Variants in RFX2 observed in about 807,000 individuals in gnomAD.
The protein encoded by RFX2 is DNA-binding protein RFX2.
RFX2 carries 20 observed loss-of-function variants against 87.8 expected under a neutral mutation model. The ratio of observed to expected loss-of-function variants is 0.23; its 90% confidence interval spans 0.16 to 0.33. The LOEUF is 0.33. Among genes scored for constraint, RFX2 ranks in the 10% least tolerant of loss-of-function variants. The probability of loss-of-function intolerance (pLI) is 1.00; values close to 1 mark genes in which losing one functional copy is unlikely to be tolerated. For missense variants in RFX2, 767 were observed against 1,012.3 expected, an observed-to-expected ratio of 0.76 and a Z score of 3.29; for synonymous variants, 397 against 431.3, an observed-to-expected ratio of 0.92 and a Z score of 0.98.
chr19:6,014,941 C>T (rs191344910), intron 7 of RFX2, among the ~76,000 whole-genome samples: 3 of 152,346 alleles, frequency 2.0e-5, no homozygotes, highest in Non-Finnish European at 4.4e-5. Context: ...GCCTCGCTGG[C>T]CACAGGATCA....
At position 6,095,999 on chromosome 19, in the gene RFX2, G is replaced by A. The variant is rs1033077878; in HGVS notation, c.-9+14394C>T. Among the ~76,000 whole-genome samples, 8 of 152,322 alleles carry A rather than the reference G, an allele frequency of 5.3e-5. No homozygotes were observed. The South Asian group carries it at 8.3e-4, about 16-fold the overall frequency. ...CATCTGCTTTCAAGCTCCATCGGGA[G>A]AGCTGAGTAGTTGAGATAGTGACCA... On this transcript the variant is annotated intron_variant, in intron 1 of 17. Coordinates refer to ENST00000303657, the MANE Select transcript of RFX2 (RefSeq NM_000635.4).
At chr19:6,008,595 G>A (rs1204813858) in intron 9 of RFX2, among the ~76,000 whole-genome samples, 2 of 151,412 alleles carry the variant, frequency 1.3e-5, no homozygotes, top group African/African-American at 2.4e-5. Flanking sequence ...GGCTGGTCTC[G>A]AACTCCTGAC....
intron 1 of RFX2, chr19:6,071,988 A>G (rs1168760175): frequency 6.6e-6 from 1 of 152,186 alleles, no homozygotes; most frequent in Non-Finnish European, 1.5e-5. Flanking sequence ...AGGGCCTGAA[A>G]GCAGCGAGCA....
chr19:6,110,092 G>A lies in RFX2; in HGVS notation c.-9+301C>T, dbSNP rs539688536. On this transcript the variant is annotated intron_variant, in intron 1 of 17. Coordinates refer to ENST00000303657, the MANE Select transcript of RFX2 (RefSeq NM_000635.4). The surrounding 1 kb of genome is among the most constrained non-coding windows in gnomAD (Gnocchi z 4.3). ...CGCCCCCAACTCAGCGAGTTTGAAG[G>A]TAAGCGTGAGAAAGGGGTCCCCGGA... Among the ~76,000 whole-genome samples the A allele has an allele frequency of 6.6e-6, 1 of 152,204 alleles. No individual in the cohort carries two copies. The highest frequency in any genetic ancestry group is 1.5e-5 in the Non-Finnish European group (1 of 67,984).
At position 6,074,428 on chromosome 19, in the gene RFX2, T is replaced by C. The variant is rs540150278; in HGVS notation, c.-8-26924A>G. The stretch of plus-strand genomic sequence containing the variant: ...TCCTCACCCCACACAGTGCCCTGGG[T>C]ACAGGGGCTGGGGCTTGAAGGGTGC... On this transcript the variant is annotated intron_variant, in intron 1 of 17. Coordinates refer to ENST00000303657, the MANE Select transcript of RFX2 (RefSeq NM_000635.4). This position sits in a 1 kb window ranked among gnomAD's most constrained non-coding sequence, Gnocchi z 5.2. 3.6e-4 allele frequency among the ~76,000 whole-genome samples: 55 copies of C among 152,202 alleles called. No homozygotes were observed. Among genetic ancestry groups the C allele is most frequent in the African/African-American group, 1.3e-3 (55 of 41,542 alleles).
intron 1 of RFX2, among the ~76,000 whole-genome samples, chr19:6,051,591 CTAAA>C (rs1419007992): frequency 6.6e-6 from 1 of 151,960 alleles, no homozygotes; most frequent in Non-Finnish European, 1.5e-5. Context: ...ATTTGATTAT[CTAAA>C]TAAAGGCAAG....
rs138201224 is a variant in RFX2, at chr19:6,087,226, C to T, written c.-9+23167G>A. 2.5e-3 allele frequency among the ~76,000 whole-genome samples: 377 copies of T among 152,170 alleles called. 1 individual carries two copies. The highest frequency in any genetic ancestry group is 6.8e-3 in the Middle Eastern group (2 of 294). ...GCGACAGGCATAACCTTCACAGGGGCGAAGCGAGACGCACACCCGTCTCCA... is the reference window on the plus strand; with the variant it reads ...GCGACAGGCATAACCTTCACAGGGGTGAAGCGAGACGCACACCCGTCTCCA... On this transcript the variant is annotated intron_variant, in intron 1 of 17. Coordinates refer to ENST00000303657, the MANE Select transcript of RFX2 (RefSeq NM_000635.4).
At chr19:6,087,116 C>T (rs1231743001) in intron 1 of RFX2, among the ~76,000 whole-genome samples, 1 of 152,144 alleles carries the variant, frequency 6.6e-6, no homozygotes, top group African/African-American at 2.4e-5. Context: ...AATCAGTTCA[C>T]TTCCTGGGTG....
Position 5,999,936 on chromosome 19 carries a change from GA to G in RFX2, c.1859+1878del, listed in dbSNP as rs1369459854. Among the ~76,000 whole-genome samples the G allele has an allele frequency of 1.3e-5, 2 of 152,098 alleles. No homozygotes were observed. Among genetic ancestry groups the G allele is most frequent in the Non-Finnish European group, 2.9e-5 (2 of 68,012 alleles). On this transcript the variant is annotated intron_variant, in intron 15 of 17. Transcript: ENST00000303657. This position sits in a 1 kb window ranked among gnomAD's most constrained non-coding sequence, Gnocchi z 4.1. ...GGGGAGTGTGTAAGGAGACAGCTGA[GA>G]ACAGGGGTGCTGGCTGGCCAGCTGA...
chr19:6,104,402 T>C (rs2088176528), intron 1 of RFX2, among the ~76,000 whole-genome samples: 2 of 145,668 alleles, frequency 1.4e-5, no homozygotes, highest in African/African-American at 5.5e-5. Context: ...ACCCCGTCTC[T>C]ACTAAAAATA....
rs2087438229 is a variant in RFX2, at chr19:6,061,883, TG to T, written c.-8-14380del. Among the ~76,000 whole-genome samples, 1 of 151,968 alleles carries T rather than the reference TG, an allele frequency of 6.6e-6. No homozygotes were observed. Among genetic ancestry groups the T allele is most frequent in the African/African-American group, 2.4e-5 (1 of 41,344 alleles). On this transcript the variant is annotated intron_variant, in intron 1 of 17. Coordinates refer to ENST00000303657, the MANE Select transcript of RFX2 (RefSeq NM_000635.4). This position sits in a 1 kb window ranked among gnomAD's most constrained non-coding sequence, Gnocchi z 5.2. Reference sequence around the variant, plus strand: ...CCGAGTGTGGATCCCAGCAGGTGCCTGATCAATGAAATATGTCCTAGGCAGG... The same window carrying T: ...CCGAGTGTGGATCCCAGCAGGTGCCTATCAATGAAATATGTCCTAGGCAGG...
chr19:6,044,259 G>T lies in RFX2; in HGVS notation c.114C>A (p.Ser38Arg). Residue 38 changes from serine to arginine, a missense_variant, in exon 3 of 18, where the codon AGC (serine) becomes AGA (arginine). By Grantham distance (110) the Ser-to-Arg change is moderately radical. Around this residue, in one of 2 missense-constraint regions of RFX2, gnomAD observed 146 missense variants for 139.2 expected, o/e 1.05. Coordinates refer to ENST00000303657, the MANE Select transcript of RFX2 (RefSeq NM_000635.4). The surrounding 1 kb of genome is among the most constrained non-coding windows in gnomAD (Gnocchi z 5.3). ...SPQRVLVQAA[S>R]SNPKGAQMQP... The stretch of plus-strand genomic sequence containing the variant: ...GCATCTGGGCCCCTTTGGGATTGGA[G>T]CTGGCTGCCTGGACCAACACCCTCT... 6.4e-7 allele frequency: 1 copy of T among 1,570,224 alleles called. No homozygotes were observed. Among genetic ancestry groups the T allele is most frequent in the East Asian group, 2.3e-5 (1 of 42,562 alleles).
chr19:6,019,425 A>G (rs1207589579), intron 6 of RFX2, among the ~76,000 whole-genome samples: 1 of 151,918 alleles, frequency 6.6e-6, no homozygotes, highest in African/African-American at 2.4e-5. Flanking sequence ...TGGACCCTTA[A>G]GAGCTTAAGA....
rs567836984 is a variant in RFX2, at chr19:6,004,128, G to A, written c.1500+73C>T. Reference sequence around the variant, plus strand: ...AAGCCAGCGCTCTCTGGGACACAGTGGTCCTCATGCTGTCCTGGACTGGAG... The same window carrying A: ...AAGCCAGCGCTCTCTGGGACACAGTAGTCCTCATGCTGTCCTGGACTGGAG... On this transcript the variant is annotated intron_variant, in intron 13 of 17. Transcript: ENST00000303657. The surrounding 1 kb of genome is among the most constrained non-coding windows in gnomAD (Gnocchi z 4.8). 10 of 1,117,504 alleles carry A rather than the reference G, an allele frequency of 8.9e-6. No homozygotes were observed. Among genetic ancestry groups the A allele is most frequent in the Admixed American group, 1.7e-5 (1 of 59,254 alleles). 69.2% of individuals were successfully genotyped at this position (1,117,504 alleles called of 1,614,324 possible).
intron 1 of RFX2, among the ~76,000 whole-genome samples, chr19:6,080,379 C>A (rs1245843098): frequency 6.6e-6 from 1 of 152,184 alleles, no homozygotes; most frequent in Admixed American, 6.5e-5. Context: ...TGAGCCACGA[C>A]ACCCAGCCTG....
chr19:6,069,657 TG>T (rs1209662965), intron 1 of RFX2, among the ~76,000 whole-genome samples: 1 of 152,174 alleles, frequency 6.6e-6, no homozygotes, highest in African/African-American at 2.4e-5. Flanking sequence ...CAAGTGACTC[TG>T]GGGCTGAGTG....
At chr19:6,038,347 A>AC (rs1568518823) in intron 5 of RFX2, among the ~76,000 whole-genome samples, 3 of 150,732 alleles carry the variant, frequency 2.0e-5, no homozygotes, top group Non-Finnish European at 4.4e-5. Flanking sequence ...AAAAAAAAAA[A>AC]AAAAACCCAA....
In RFX2 at chr19:6,010,263, A is replaced by G; in HGVS notation, c.900-12T>C. ...GGGCTGGCCGGTACCTAGGCCAGGA[A>G]CACGCATACCATCATGAGGCCCAGC... On this transcript the variant is annotated splice_polypyrimidine_tract_variant and intron_variant, in intron 8 of 17. Transcript: ENST00000303657. This position sits in a 1 kb window ranked among gnomAD's most constrained non-coding sequence, Gnocchi z 5.0. 6.6e-7 allele frequency: 1 copy of G among 1,526,438 alleles called. No homozygotes were observed. The highest frequency in any genetic ancestry group is 8.9e-7 in the Non-Finnish European group (1 of 1,129,166). The allele number at this position is 1,526,438 out of a possible 1,614,324, so 94.6% of individuals were successfully genotyped here. A position where few individuals can be genotyped will look rare whatever the true frequency, so the allele number is the denominator to read the frequency against.
Position 5,998,148 on chromosome 19 carries a change from G to A in RFX2, c.1860-935C>T, listed in dbSNP as rs759640747. ...CATGGTGAAACGCCATCTCTACTAA[G>A]AATACAAAAATTAGTGAGGCATGGT... On this transcript the variant is annotated intron_variant, in intron 15 of 17. Transcript: ENST00000303657. The surrounding 1 kb of genome is among the most constrained non-coding windows in gnomAD (Gnocchi z 4.2). Among the ~76,000 whole-genome samples the A allele has an allele frequency of 6.6e-6, 1 of 152,050 alleles. No individual in the cohort carries two copies. The highest frequency in any genetic ancestry group is 2.4e-5 in the African/African-American group (1 of 41,402).
Sources: gnomAD v4.1 joint callset for allele counts (sites outside exome capture counted in the v4.1 genomes callset) on GRCh38, gnomAD v4.1.1 for gene constraint, gnomAD v4.1.1 regional missense constraint, Gnocchi (gnomAD v3.1) non-coding constraint, MANE v1.5 for transcripts, NCBI Gene and HGNC (gene_info 2026-07-23, HGNC 2026-07-21) for gene names.